Variants in ZNF638 observed in about 807,000 individuals in gnomAD.
The protein encoded by ZNF638 is zinc finger protein 638.
In ZNF638, 46 loss-of-function variants were observed where a neutral mutation model predicts 195.6. The ratio of observed to expected loss-of-function variants is 0.24; its 90% CI spans 0.19 to 0.30. The LOEUF is 0.30. Among genes scored for constraint, ZNF638 ranks in the 10% least tolerant of loss-of-function variants. ZNF638 has a pLI of 1.00. For synonymous variants in ZNF638, 845 were observed against 772.0 expected (o/e 1.09, Z -1.57); for missense variants, 2,440 against 2,325.3 (o/e 1.05, Z -1.01).
At chr2:71,346,215 A>G (rs930334281) in intron 1 of ZNF638, among the ~76,000 whole-genome samples, 1 of 152,224 alleles carries the variant, frequency 6.6e-6, no homozygotes, top group African/African-American at 2.4e-5. Flanking sequence ...CACCAAATGG[A>G]ATAAGTGGTT....
chr2:71,388,605 C>T (rs1408366711), intron 10 of ZNF638: 5 of 791,004 alleles, frequency 6.3e-6, no homozygotes, highest in Non-Finnish European at 1.2e-5. Context: ...GTACTTTTTT[C>T]ATCCGTCGCT....
chr2:71,336,352 C>G (rs901980078), intron 1 of ZNF638, among the ~76,000 whole-genome samples: 2 of 101,132 alleles, frequency 2.0e-5, no homozygotes, highest in African/African-American at 7.2e-5. Flanking sequence ...ACCAGGGCAA[C>G]AAGAGTGAAA....
At chr2:71,351,710 A>G (rs557680648) in intron 2 of ZNF638, among the ~76,000 whole-genome samples, 4 of 152,312 alleles carry the variant, frequency 2.6e-5, no homozygotes, top group East Asian at 1.9e-4. Flanking sequence ...CTTGACTCCA[A>G]TTAGGTACTG....
chr2:71,433,255 A>G lies in ZNF638; in HGVS notation c.5843A>G (p.Lys1948Arg). ...GAAAAAGCAATGACAAATCACTGCAAGAGTACACGTCATAAGCAAAATACT... is the reference window on the plus strand; with the variant it reads ...GAAAAAGCAATGACAAATCACTGCAGGAGTACACGTCATAAGCAAAATACT... ...SGEKAMTNHCKSTRHKQNTEK... is the reference protein window; with the variant it reads ...SGEKAMTNHCRSTRHKQNTEK... The change falls in exon 27 of 28, where the codon AAG (lysine) becomes AGG (arginine). Residue 1948 changes from lysine (K) to arginine (R), a missense_variant. This residue lies in a region of ZNF638 where 1,883 missense variants were observed against 1,739.1 expected (regional missense o/e 1.08). Transcript: ENST00000264447. The G allele has an allele frequency of 6.2e-7, 1 of 1,613,860 alleles. No homozygotes were observed. Among genetic ancestry groups the G allele is most frequent in the East Asian group, 2.2e-5 (1 of 44,876 alleles).
chr2:71,370,038 A>T lies in ZNF638; in HGVS notation c.2265+33A>T, dbSNP rs1462875545. ...GGATTTAGGTCTTAAATGTTTTATC[A>T]CTGTTGTTTTAGTTTAACTTTTTTG... On this transcript the variant is annotated intron_variant, in intron 8 of 27. Transcript: ENST00000264447. The T allele has an allele frequency of 2.5e-6, 4 of 1,579,758 alleles. No homozygotes were observed. The South Asian group carries it at 3.6e-5, about 14-fold the overall frequency.
At chr2:71,361,913 C>A (rs1182323161) in intron 3 of ZNF638, among the ~76,000 whole-genome samples, 2 of 152,154 alleles carry the variant, frequency 1.3e-5, no homozygotes, top group Non-Finnish European at 2.9e-5. Context: ...AAATAGCAAC[C>A]AAGACAAACC....
rs2104179940 is a variant in ZNF638 at position 71,350,121 on chromosome 2, A to G, written c.1167A>G (p.Lys389=). Reference sequence around the variant, plus strand: ...TTCGGTCTCCCTTTGGTATTGTGAAAGCATCCTGGCTACCAAAGTTTTCAC... The same window carrying G: ...TTCGGTCTCCCTTTGGTATTGTGAAGGCATCCTGGCTACCAAAGTTTTCAC... The part of the protein sequence containing the change: ...IPIRSPFGIV[K]ASWLPKFSHA... The change falls in exon 2 of 28, where the codon AAA becomes AAG. Residue 389 remains lysine, a synonymous_variant. Transcript: ENST00000264447. The G allele has an allele frequency of 1.2e-6, 2 of 1,614,132 alleles. No individual in the cohort carries two copies. The highest frequency in any genetic ancestry group is 4.5e-5 in the East Asian group (2 of 44,880).
intron 19 of ZNF638, among the ~76,000 whole-genome samples, chr2:71,406,879 G>T (rs1396429848): frequency 6.6e-6 from 1 of 151,914 alleles, no homozygotes; most frequent in Non-Finnish European, 1.5e-5. Flanking sequence ...GTGTGCCTCT[G>T]GTCCCAGCTG....
At chr2:71,335,316 A>G (rs2078647064) in intron 1 of ZNF638, among the ~76,000 whole-genome samples, 1 of 152,224 alleles carries the variant, frequency 6.6e-6, no homozygotes, top group Admixed American at 6.5e-5. Flanking sequence ...TGCTGGGATT[A>G]CAGGTGTGAG....
At chr2:71,337,915 C>T (rs1312040833) in intron 1 of ZNF638, among the ~76,000 whole-genome samples, 1 of 152,064 alleles carries the variant, frequency 6.6e-6, no homozygotes, top group Non-Finnish European at 1.5e-5. Context: ...TTGAAGAATA[C>T]AATCTGCTTT....
intron 1 of ZNF638, chr2:71,341,664 C>G (rs2078763959): frequency 6.6e-6 from 1 of 152,186 alleles, no homozygotes; most frequent in African/African-American, 2.4e-5. Context: ...TTTTCCCCAA[C>G]AAGTTAATAG....
At chr2:71,333,923 G>A (rs2542490) in intron 1 of ZNF638, among the ~76,000 whole-genome samples, 136,974 of 152,234 alleles carry the variant, frequency 0.9, 61,705 homozygotes, top group Admixed American at 0.92. Flanking sequence ...AGGCAGCATT[G>A]TTTGATAGAA....
At chr2:71,342,636 A>G (rs2078781332) in intron 1 of ZNF638, among the ~76,000 whole-genome samples, 2 of 152,192 alleles carry the variant, frequency 1.3e-5, no homozygotes, top group Admixed American at 1.3e-4. Context: ...AAGTATTGAC[A>G]GGAATACACT....
chr2:71,331,966 A>C (rs2078576933), intron 1 of ZNF638, 91 bp downstream of exon 1: 2 of 979,062 alleles, frequency 2.0e-6, no homozygotes, highest in African/African-American at 3.5e-5. Context: ...ATCCGGGCCG[A>C]CTATTGTATC....
chr2:71,428,447 G>T (rs1333580425), intron 24 of ZNF638, 100 bp from the exon 25 acceptor site: 2 of 1,005,744 alleles, frequency 2.0e-6, no homozygotes, highest in African/African-American at 1.6e-5. Context: ...GGTATTTTTT[G>T]CAAAAATGTA....
At chr2:71,408,819 C>A in intron 20 of ZNF638, 2 of 355,476 alleles carry the variant, frequency 5.6e-6, no homozygotes, top group South Asian at 2.3e-5. Flanking sequence ...CTTGTGTTGT[C>A]AATCTGTTAA....
intron 11 of ZNF638, among the ~76,000 whole-genome samples, chr2:71,397,491 GA>G (rs1249141856): frequency 6.6e-6 from 1 of 152,140 alleles, no homozygotes; most frequent in East Asian, 1.9e-4. Flanking sequence ...AGATGTCAAT[GA>G]ATGCTTTTTG....
At chr2:71,346,894 C>A (rs186388094) in intron 1 of ZNF638, among the ~76,000 whole-genome samples, 26 of 152,074 alleles carry the variant, frequency 1.7e-4, no homozygotes, top group Admixed American at 9.8e-4. Flanking sequence ...CATGGTGGCA[C>A]ATGCCTGTAA....
At chr2:71,345,952 A>G (rs944361952) in intron 1 of ZNF638, among the ~76,000 whole-genome samples, 15 of 152,234 alleles carry the variant, frequency 9.9e-5, no homozygotes, top group African/African-American at 3.6e-4. Context: ...ACAGTTTGTC[A>G]GGGGCAGTTG....
Sources: allele counts gnomAD v4.1 joint callset (sites outside exome capture counted in the v4.1 genomes callset), GRCh38; gene constraint gnomAD v4.1.1; regional missense constraint gnomAD v4.1.1; transcripts MANE v1.5; gene names NCBI Gene and HGNC (gene_info 2026-07-23, HGNC 2026-07-21).